Variants in FGD6 observed in about 807,000 individuals in gnomAD.
The protein encoded by FGD6 is FYVE, RhoGEF and PH domain containing 6.
Under a neutral mutation model 149.4 loss-of-function variants are expected in FGD6, and 90 were observed. The ratio of observed to expected loss-of-function variants is 0.60; its 90% CI spans 0.51 to 0.72. The LOEUF (loss-of-function observed/expected upper bound fraction) is 0.72. Among genes scored for constraint, FGD6 ranks in the 30% least tolerant of loss-of-function variants. The pLI, the probability that FGD6 is intolerant of heterozygous loss-of-function variation, is 0.00. For synonymous variants in FGD6, 527 were observed against 584.0 expected (o/e 0.90, Z 1.41); for missense variants, 1,437 against 1,684.8 (o/e 0.85, Z 2.57).
chr12:95,097,634 CAAAAAAAAAAAA>C, intron 14 of FGD6, among the ~76,000 whole-genome samples: 1 of 43,392 alleles, frequency 2.3e-5, no homozygotes, highest in South Asian at 1.3e-3. Context: ...GACTCTGTCT[CAAAAAAAAAAAA>C]AAAAAAAAAA....
intron 8 of FGD6, among the ~76,000 whole-genome samples, chr12:95,120,513 C>T (rs1416241216): frequency 1.3e-5 from 2 of 151,622 alleles, no homozygotes; most frequent in African/African-American, 2.4e-5. Flanking sequence ...ATAGCGAAAC[C>T]CTGTCTCTAC....
rs2056724412 is a variant in FGD6 at position 95,211,121 on chromosome 12, T to C, written c.163A>G (p.Lys55Glu). 1.9e-6 allele frequency: 3 copies of C among 1,614,090 alleles called. No individual in the cohort carries two copies. The African/African-American group carries it at 4.0e-5, about 22-fold the overall frequency. The change falls in exon 2 of 21, where the codon AAA (lysine) becomes GAA (glutamate). Residue 55 changes from lysine (K) to glutamate (E), a missense_variant. By Grantham distance (56) the Lys-to-Glu change is moderately conservative. Coordinates refer to ENST00000343958, the MANE Select transcript of FGD6 (RefSeq NM_018351.4). ...TKKMKPAIAP[K>E]PKVLKTSPVR... is the part of the protein sequence containing the mutation. ...GGTGAGGTCTTCAGGACTTTTGGTTTTGGGGCTATTGCTGGTTTCATTTTC... is the reference window on the plus strand; with the variant it reads ...GGTGAGGTCTTCAGGACTTTTGGTTCTGGGGCTATTGCTGGTTTCATTTTC...
intron 3 of FGD6, among the ~76,000 whole-genome samples, chr12:95,160,641 T>C (rs1257846984): frequency 6.6e-6 from 1 of 152,198 alleles, no homozygotes; most frequent in Non-Finnish European, 1.5e-5. Context: ...TTCCTAGAAT[T>C]TGTGAAACAA....
At chr12:95,100,308 C>T (rs1286328945) in intron 14 of FGD6, among the ~76,000 whole-genome samples, 2 of 152,128 alleles carry the variant, frequency 1.3e-5, no homozygotes, top group African/African-American at 4.8e-5. Flanking sequence ...AGCAGACAAT[C>T]GCCTTCCCTC....
intron 5 of FGD6, among the ~76,000 whole-genome samples, chr12:95,146,685 G>T (rs1880025352): frequency 6.6e-6 from 1 of 152,092 alleles, no homozygotes; most frequent in African/African-American, 2.4e-5. Context: ...ATAACCAAAT[G>T]CTTGTTTAAT....
chr12:95,205,098 T>A (rs894452635), intron 2 of FGD6, among the ~76,000 whole-genome samples: 1 of 151,982 alleles, frequency 6.6e-6, no homozygotes, highest in Admixed American at 6.6e-5. Flanking sequence ...TGAAACCCCA[T>A]CTCTACAAAA....
rs867213122 is a variant in FGD6, at chr12:95,209,003, C to T, written c.2281G>A (p.Glu761Lys). 1.9e-6 allele frequency: 3 copies of T among 1,613,990 alleles called. No homozygotes were observed. The highest frequency in any genetic ancestry group is 1.1e-5 in the South Asian group (1 of 91,080). The change falls in exon 2 of 21, where the codon GAG becomes AAG. Residue 761 changes from glutamate (E) to lysine (K), a missense_variant. Physicochemically the swap from Glu to Lys is moderately conservative, Grantham distance 56 (BLOSUM62 1). This residue lies in a region of FGD6 where 1,055 missense variants were observed against 1,146.0 expected (regional missense o/e 0.92). Transcript: ENST00000343958. ...ATAGCCATAATAAATGGCAAGTTCT[C>T]GTACTCTGGTATTTCCTCATAATGG... is the stretch of plus-strand genomic sequence containing the variant. The part of the protein sequence containing the change: ...IRHYEEIPEY[E>K]NLPFIMAIRK...
At position 95,078,265 on chromosome 12, in the gene FGD6, A is replaced by T. The variant is rs148589955; in HGVS notation, c.*3255T>A. 9.2e-4 allele frequency: 140 copies of T among 152,360 alleles called. 1 individual carries two copies. The highest frequency in any genetic ancestry group is 3.0e-3 in the African/African-American group (126 of 41,582). 9.4% of individuals were successfully genotyped at this position (152,360 alleles called of 1,614,324 possible). A position where few individuals can be genotyped will look rare whatever the true frequency, so the allele number is the denominator to read the frequency against. ...TTCAAGGAGTGTGTGGTACACTAAGAAAAACAATATGTATCTCTGGAAATC... is the reference window on the plus strand; with the variant it reads ...TTCAAGGAGTGTGTGGTACACTAAGTAAAACAATATGTATCTCTGGAAATC... On this transcript the variant is annotated 3_prime_UTR_variant, in exon 21 of 21. Transcript: ENST00000343958.
chr12:95,187,161 C>T (rs1881459831), intron 2 of FGD6, among the ~76,000 whole-genome samples: 1 of 149,674 alleles, frequency 6.7e-6, no homozygotes, highest in Middle Eastern at 3.5e-3. Flanking sequence ...GAAACCCCAT[C>T]TCTACTAAAA....
chr12:95,146,440 A>G (rs1565907581), intron 5 of FGD6, among the ~76,000 whole-genome samples: 1 of 152,224 alleles, frequency 6.6e-6, no homozygotes, highest in African/African-American at 2.4e-5. Flanking sequence ...ATCGGTGAGG[A>G]TGCAAGACAG....
At chr12:95,133,418 C>T (rs966177369) in intron 8 of FGD6, among the ~76,000 whole-genome samples, 8 of 152,148 alleles carry the variant, frequency 5.3e-5, no homozygotes, top group Non-Finnish European at 1.2e-4. Flanking sequence ...GGTAGGTCTT[C>T]CTCGTGAGCA....
Position 95,209,502 on chromosome 12 carries a change from A to G in FGD6, c.1782T>C (p.Pro594=). Residue 594 remains proline (P), a synonymous_variant, in exon 2 of 21, where the codon CCT becomes CCC. Coordinates refer to ENST00000343958, the MANE Select transcript of FGD6 (RefSeq NM_018351.4). ...KSVTVSSNSE[P]STALTKPRAK... The stretch of plus-strand genomic sequence containing the variant: ...CTCTGGGCTTGGTTAGGGCTGTTGA[A>G]GGCTCACTGTTTGACGATACGGTGA... The G allele has an allele frequency of 6.2e-7, 1 of 1,613,506 alleles. No homozygotes were observed. Among genetic ancestry groups the G allele is most frequent in the Non-Finnish European group, 8.5e-7 (1 of 1,179,812 alleles).
At chr12:95,215,177 C>T (rs891396777) in intron 1 of FGD6, among the ~76,000 whole-genome samples, 1 of 152,148 alleles carries the variant, frequency 6.6e-6, no homozygotes, top group East Asian at 1.9e-4. Context: ...TTTTCATATA[C>T]AGCTTAAAAT....
chr12:95,189,305 C>T (rs1881526065), intron 2 of FGD6: 1 of 152,174 alleles, frequency 6.6e-6, no homozygotes, highest in South Asian at 2.1e-4. Context: ...TGCTTCTTAA[C>T]ACTGTGAGGG....
chr12:95,153,103 A>G (rs1170399098), intron 3 of FGD6, 110 bp from the exon 4 acceptor site: 1 of 875,984 alleles, frequency 1.1e-6, no homozygotes, highest in African/African-American at 1.7e-5. Context: ...TCCTCCTAGC[A>G]CACAGTTCAT....
chr12:95,204,483 G>A (rs1326009957), intron 2 of FGD6, among the ~76,000 whole-genome samples: 1 of 152,134 alleles, frequency 6.6e-6, no homozygotes, highest in Non-Finnish European at 1.5e-5. Flanking sequence ...CTAATTCCCA[G>A]CCACTACCCT....
intron 1 of FGD6, 46 bp from the exon 2 acceptor site, chr12:95,211,313 C>T: frequency 6.6e-7 from 1 of 1,512,064 alleles, no homozygotes. Context: ...AACCAAAGCA[C>T]AAAATGATAC....
Position 95,099,957 on chromosome 12 carries a change from C to A in FGD6, c.3497+5050G>T, listed in dbSNP as rs74669762. Among the ~76,000 whole-genome samples, 1,459 of 152,008 alleles carry A rather than the reference C, an allele frequency of 9.6e-3. 24 individuals carry two copies. Among genetic ancestry groups the A allele is most frequent in the African/African-American group, 0.033 (1,383 of 41,422 alleles). ...CTTGCTGTTTCTTTAACATACTATA[C>A]CCTTTCCTGCCTCCCTGGTATGTCT... On this transcript the variant is annotated intron_variant, in intron 14 of 20. Coordinates refer to ENST00000343958, the MANE Select transcript of FGD6 (RefSeq NM_018351.4).
intron 1 of FGD6, among the ~76,000 whole-genome samples, chr12:95,215,393 T>C (rs190076215): frequency 2.0e-5 from 3 of 152,352 alleles, no homozygotes; most frequent in Admixed American, 6.5e-5. Context: ...AACGTTTCAA[T>C]GAATTTGACT....
Sources: allele counts gnomAD v4.1 joint callset (sites outside exome capture counted in the v4.1 genomes callset), GRCh38; gene constraint gnomAD v4.1.1; regional missense constraint gnomAD v4.1.1; transcripts MANE v1.5; gene names NCBI Gene and HGNC (gene_info 2026-07-23, HGNC 2026-07-21).